EHBP1: variants seen among roughly 807,000 people sequenced by gnomAD.
EHBP1 encodes the protein EH domain binding protein 1.
A neutral mutation model predicts 144.0 loss-of-function variants in EHBP1; 55 were observed. The observed-to-expected ratio is 0.38, with a 90% CI of 0.31 to 0.48. The LOEUF is 0.48. EHBP1 is among the 20% of genes least tolerant of loss of function. The pLI is 0.98. For missense variants in EHBP1, 1,200 were observed against 1,364.2 expected, an observed-to-expected ratio of 0.88 and a Z score of 1.90; for synonymous variants, 469 against 472.7, an observed-to-expected ratio of 0.99 and a Z score of 0.10.
chr2:62,963,560 C>T (rs2058099946), intron 14 of EHBP1, among the ~76,000 whole-genome samples: 1 of 152,084 alleles, frequency 6.6e-6, no homozygotes, highest in Non-Finnish European at 1.5e-5. Flanking sequence ...AAATAGATAG[C>T]TTCTTAGGAA....
chr2:62,689,587 A>AGAGGTAACCGAGGTCTCG (rs2033836469), intron 1 of EHBP1, among the ~76,000 whole-genome samples: 1 of 152,132 alleles, frequency 6.6e-6, no homozygotes, highest in South Asian at 2.1e-4. Flanking sequence ...GAGGTTGCCG[A>AGAGGTAACCGAGGTCTCG]GAGGTAACCG....
chr2:62,987,972 C>T, intron 15 of EHBP1: 1 of 1,606,448 alleles, frequency 6.2e-7, no homozygotes, highest in Non-Finnish European at 8.5e-7. Context: ...CGAGGAGATC[C>T]CTGAAGGCTT....
intron 5 of EHBP1, among the ~76,000 whole-genome samples, chr2:62,795,975 T>A (rs2043510556): frequency 6.6e-6 from 1 of 151,936 alleles, no homozygotes; most frequent in Admixed American, 6.6e-5. Flanking sequence ...TAATAAATTT[T>A]GTAATGTCAG....
chr2:62,789,284 C>A (rs2043019333), intron 5 of EHBP1, among the ~76,000 whole-genome samples: 1 of 152,116 alleles, frequency 6.6e-6, no homozygotes, highest in Non-Finnish European at 1.5e-5. Context: ...TAGAAAAAGA[C>A]CTTGGAATTC....
At chr2:62,777,762 G>A (rs1010561619) in intron 5 of EHBP1, among the ~76,000 whole-genome samples, 9 of 152,114 alleles carry the variant, frequency 5.9e-5, no homozygotes, top group Non-Finnish European at 4.4e-5. Flanking sequence ...AAAAATGTTC[G>A]TAGGGTACTA....
At chr2:62,753,477 G>A (rs1182320437) in intron 3 of EHBP1, among the ~76,000 whole-genome samples, 1 of 152,000 alleles carries the variant, frequency 6.6e-6, no homozygotes, top group Admixed American at 6.6e-5. Flanking sequence ...ACAATTATAT[G>A]TCTTGGAGTT....
chr2:62,871,210 A>G (rs2050452987), intron 9 of EHBP1, among the ~76,000 whole-genome samples: 1 of 152,232 alleles, frequency 6.6e-6, no homozygotes, highest in African/African-American at 2.4e-5. Flanking sequence ...TGAGTATTAC[A>G]CAACACACTC....
At chr2:62,770,764 C>G (rs749453995) in intron 4 of EHBP1, among the ~76,000 whole-genome samples, 1 of 152,096 alleles carries the variant, frequency 6.6e-6, no homozygotes, top group Non-Finnish European at 1.5e-5. Context: ...ACCTAAATGC[C>G]CATCAGTGAC....
In EHBP1 at chr2:62,859,389, A is replaced by G. The variant is rs899174371; in HGVS notation, c.757+98A>G. The G allele has an allele frequency of 5.2e-6, 6 of 1,154,944 alleles. No individual in the cohort carries two copies. In the African/African-American group the frequency reaches 7.7e-5, roughly 15 times the overall value. The allele number at this position is 1,154,944 out of a possible 1,614,324, so 71.5% of individuals were successfully genotyped here. ...TTTTCTTCAGAGACTAACACACAAA[A>G]AATTATTGTTTATAATGATATTATT... On this transcript the variant is annotated intron_variant, in intron 8 of 22. Coordinates refer to ENST00000431489, the MANE Select transcript of EHBP1 (RefSeq NM_001142616.3).
chr2:62,989,947 A>C (rs1242555137), intron 15 of EHBP1, among the ~76,000 whole-genome samples: 1 of 152,192 alleles, frequency 6.6e-6, no homozygotes, highest in Admixed American at 6.5e-5. Context: ...AGCATTTATT[A>C]AGAGTCTTAT....
rs755876679 is a variant in EHBP1 at position 62,864,913 on chromosome 2, G to A, written c.940G>A (p.Asp314Asn). Reference sequence around the variant, plus strand: ...AAAAAGAAAAAATATAAGACCTGTGGATATGAGCAAGTACCTCTATGCTGA... The same window carrying A: ...AAAAAGAAAAAATATAAGACCTGTGAATATGAGCAAGTACCTCTATGCTGA... Reference protein sequence around the residue: ...STKRKNIRPVDMSKYLYADSS... With the variant: ...STKRKNIRPVNMSKYLYADSS... Residue 314 changes from aspartate to asparagine, a missense_variant, in exon 9 of 23, where the codon GAT (aspartate) becomes AAT (asparagine). Transcript: ENST00000431489. The A allele has an allele frequency of 1.2e-6, 2 of 1,613,958 alleles. No homozygotes were observed. The highest frequency in any genetic ancestry group is 3.3e-4 in the Middle Eastern group (2 of 6,058).
At chr2:62,970,376 G>C (rs1574296221) in intron 14 of EHBP1, among the ~76,000 whole-genome samples, 1 of 152,162 alleles carries the variant, frequency 6.6e-6, no homozygotes, top group East Asian at 1.9e-4. Context: ...GGATGTTCTT[G>C]AGGGAGGTAA....
chr2:62,968,791 C>A (rs889020994), intron 14 of EHBP1, among the ~76,000 whole-genome samples: 3 of 152,164 alleles, frequency 2.0e-5, no homozygotes, highest in African/African-American at 7.2e-5. Context: ...CATGACAAAT[C>A]TATCTCCTTC....
chr2:62,707,652 A>G (rs1266548756), intron 2 of EHBP1, among the ~76,000 whole-genome samples: 1 of 152,274 alleles, frequency 6.6e-6, no homozygotes, highest in Admixed American at 6.5e-5. Flanking sequence ...ATTAATCCGT[A>G]TATTTTAATA....
chr2:62,722,338 A>G (rs911326360), intron 2 of EHBP1, among the ~76,000 whole-genome samples: 2 of 151,982 alleles, frequency 1.3e-5, no homozygotes. Flanking sequence ...TTACTGTGTT[A>G]GCCAGGTTGG....
At chr2:62,721,089 C>G (rs1422015023) in intron 2 of EHBP1, among the ~76,000 whole-genome samples, 2 of 152,142 alleles carry the variant, frequency 1.3e-5, no homozygotes, top group Non-Finnish European at 2.9e-5. Flanking sequence ...GGATGTAGTC[C>G]AGGTTACCAC....
At chr2:62,951,544 G>C (rs1011190360) in intron 13 of EHBP1, among the ~76,000 whole-genome samples, 35 of 140,802 alleles carry the variant, frequency 2.5e-4, no homozygotes, top group East Asian at 1.1e-3. Flanking sequence ...TGGGGGGGGG[G>C]GGTGGAGTCT....
In EHBP1 at chr2:62,874,522, C is replaced by T; in HGVS notation, c.1175C>T (p.Thr392Ile). 1 of 1,599,796 alleles carries T rather than the reference C, an allele frequency of 6.3e-7. No individual in the cohort carries two copies. The highest frequency in any genetic ancestry group is 1.1e-5 in the South Asian group (1 of 87,738). Residue 392 changes from threonine to isoleucine, a missense_variant, in exon 10 of 23, where the codon ACT becomes ATT. This residue lies in a region of EHBP1 where 266 missense variants were observed against 262.4 expected (regional missense o/e 1.01). Coordinates refer to ENST00000431489, the MANE Select transcript of EHBP1 (RefSeq NM_001142616.3). Reference sequence around the variant, plus strand: ...GTTTCTGCAGGAAAAGATCTCTCTACTTCTCCTAAGGTAGGATTTTATTCA... The same window carrying T: ...GTTTCTGCAGGAAAAGATCTCTCTATTTCTCCTAAGGTAGGATTTTATTCA... ...NTVSAGKDLSTSPKPSPIPSP... is the reference protein window; with the variant it reads ...NTVSAGKDLSISPKPSPIPSP...
At chr2:62,987,693 G>A (rs1357239298) in intron 15 of EHBP1, among the ~76,000 whole-genome samples, 4 of 152,126 alleles carry the variant, frequency 2.6e-5, no homozygotes, top group African/African-American at 9.7e-5. Flanking sequence ...GTGGCAAATT[G>A]TCAAAACCTT....
Sources: gnomAD v4.1 joint callset for allele counts (sites outside exome capture counted in the v4.1 genomes callset) on GRCh38, gnomAD v4.1.1 for gene constraint, gnomAD v4.1.1 regional missense constraint, MANE v1.5 for transcripts, NCBI Gene and HGNC (gene_info 2026-07-23, HGNC 2026-07-21) for gene names.